The following CPQ variants were observed in gnomAD, a reference collection of about 807,000 sequenced individuals.
The protein encoded by CPQ is carboxypeptidase Q, also known as Ser-Met dipeptidase.
A neutral mutation model predicts 45.7 loss-of-function variants in CPQ; 37 were observed. That is an observed-to-expected ratio of 0.81 (90% CI 0.62 to 1.07). The LOEUF is 1.07. Ranked by LOEUF, CPQ falls within the 50% of genes least tolerant of loss-of-function variation. The pLI is 0.00. For synonymous variants in CPQ, 186 were observed against 205.8 expected, an observed-to-expected ratio of 0.90 and a Z score of 0.82; for missense variants, 537 against 572.9, an observed-to-expected ratio of 0.94 and a Z score of 0.64.
intron 2 of CPQ, among the ~76,000 whole-genome samples, chr8:96,800,976 A>ATTT (rs5893399): frequency 7.9e-5 from 11 of 139,692 alleles, no homozygotes; most frequent in South Asian, 2.3e-4. Context: ...TCTGAATTTG[A>ATTT]TTTTTTTTTT....
chr8:96,857,280 G>T (rs922540483), intron 3 of CPQ, among the ~76,000 whole-genome samples: 2 of 152,156 alleles, frequency 1.3e-5, no homozygotes, highest in African/African-American at 2.4e-5. Context: ...AGAAAGTAGT[G>T]CCCAGAGGGA....
intron 1 of CPQ, among the ~76,000 whole-genome samples, chr8:96,760,545 A>T (rs1227471965): frequency 1.3e-5 from 2 of 152,162 alleles, no homozygotes; most frequent in African/African-American, 2.4e-5. Context: ...AAGGAGCAGT[A>T]TTTCTAAAGG....
intron 5 of CPQ, among the ~76,000 whole-genome samples, chr8:97,006,527 C>T (rs1373492719): frequency 2.0e-5 from 3 of 152,114 alleles, no homozygotes; most frequent in Non-Finnish European, 4.4e-5. Context: ...AAATATTTGA[C>T]CTATATGAAA....
chr8:97,136,181 A>G lies in CPQ; in HGVS notation c.1256-6839A>G, dbSNP rs552196114. 1.5e-3 allele frequency among the ~76,000 whole-genome samples: 225 copies of G among 151,520 alleles called. 1 individual carries two copies. Among genetic ancestry groups the G allele is most frequent in the African/African-American group, 5.2e-3 (215 of 41,346 alleles). ...GTTTTCTGTGAGATGAGTGTTTACA[A>G]AAAAAAAAGATTCATAGAGAAGGAG... On this transcript the variant is annotated intron_variant, in intron 7 of 7. Coordinates refer to ENST00000220763, the MANE Select transcript of CPQ (RefSeq NM_016134.4).
chr8:96,741,533 T>C (rs200943817), intron 1 of CPQ, among the ~76,000 whole-genome samples: 47 of 151,984 alleles, frequency 3.1e-4, no homozygotes, highest in African/African-American at 1.1e-3. Flanking sequence ...AATGTGTTTG[T>C]TGTTGCTTTT....
intron 1 of CPQ, among the ~76,000 whole-genome samples, chr8:96,714,249 C>T (rs1202240175): frequency 6.6e-6 from 1 of 152,162 alleles, no homozygotes; most frequent in Non-Finnish European, 1.5e-5. Flanking sequence ...TTTTTGCTTT[C>T]TCTTCTCCCT....
chr8:96,734,852 C>G (rs929504868), intron 1 of CPQ, among the ~76,000 whole-genome samples: 5 of 152,168 alleles, frequency 3.3e-5, no homozygotes, highest in Admixed American at 2.0e-4. Flanking sequence ...TGATCTGGCT[C>G]TATTTATCTA....
chr8:96,785,221 G>A lies in CPQ; in HGVS notation c.324G>A (p.Val108=), dbSNP rs1259312394. Residue 108 remains valine (V), a synonymous_variant, in exon 2 of 8, where the codon GTG becomes GTA. Coordinates refer to ENST00000220763, the MANE Select transcript of CPQ (RefSeq NM_016134.4). ...DGLEKVHLEP[V]RIPHWERGEE... is the part of the protein sequence containing the mutation. ...TGGAGAAAGTTCACCTGGAGCCAGT[G>A]AGAATACCCCACTGGGAGAGGGGAG... 6.2e-7 allele frequency: 1 copy of A among 1,613,520 alleles called. No homozygotes were observed. The highest frequency in any genetic ancestry group is 8.5e-7 in the Non-Finnish European group (1 of 1,179,774).
intron 1 of CPQ, among the ~76,000 whole-genome samples, chr8:96,779,249 G>A (rs528290104): frequency 0.011 from 1,659 of 152,016 alleles, 41 homozygotes; most frequent in African/African-American, 0.036. Context: ...TCCTAAGACT[G>A]TCTTCAGATG....
chr8:96,648,154 C>T (rs1815538431), intron 1 of CPQ, among the ~76,000 whole-genome samples: 3 of 152,130 alleles, frequency 2.0e-5, no homozygotes, highest in African/African-American at 7.2e-5. Flanking sequence ...TCTTTTTCGT[C>T]AGCCAAGTTT....
chr8:97,036,132 A>G (rs1810000763), intron 6 of CPQ, among the ~76,000 whole-genome samples: 2 of 152,088 alleles, frequency 1.3e-5, no homozygotes, highest in South Asian at 4.2e-4. Context: ...ATTTAGAGAA[A>G]CATCTTGGCA....
At chr8:96,872,466 G>A (rs904233991) in intron 3 of CPQ, among the ~76,000 whole-genome samples, 5 of 151,756 alleles carry the variant, frequency 3.3e-5, no homozygotes, top group Admixed American at 2.0e-4. Context: ...TTATAATTTA[G>A]GTGTGTAATA....
intron 1 of CPQ, among the ~76,000 whole-genome samples, chr8:96,702,589 CTT>C (rs2130746814): frequency 6.6e-6 from 1 of 152,222 alleles, no homozygotes; most frequent in African/African-American, 2.4e-5. Flanking sequence ...TATATTAAGT[CTT>C]TTAAGCTTCA....
At chr8:96,654,080 C>A (rs989072713) in intron 1 of CPQ, among the ~76,000 whole-genome samples, 1 of 152,228 alleles carries the variant, frequency 6.6e-6, no homozygotes, top group African/African-American at 2.4e-5. Context: ...CAGAACGCTT[C>A]TGCCAGATTG....
intron 3 of CPQ, among the ~76,000 whole-genome samples, chr8:96,859,347 C>T (rs1811898274): frequency 1.3e-5 from 2 of 152,194 alleles, no homozygotes; most frequent in African/African-American, 4.8e-5. Flanking sequence ...AGCTTCTGAA[C>T]ATGACAAATA....
At chr8:96,990,879 CA>C (rs1310118028) in intron 5 of CPQ, among the ~76,000 whole-genome samples, 12 of 152,160 alleles carry the variant, frequency 7.9e-5, no homozygotes, top group Non-Finnish European at 1.8e-4. Context: ...TTATTCTAAG[CA>C]AAGGAGCTTC....
chr8:96,656,798 G>A (rs1026403117), intron 1 of CPQ, among the ~76,000 whole-genome samples: 4 of 152,252 alleles, frequency 2.6e-5, no homozygotes, highest in East Asian at 3.9e-4. Context: ...CCATTGGCTG[G>A]TATCTCTGAT....
chr8:97,081,545 G>A (rs914157962), intron 7 of CPQ, among the ~76,000 whole-genome samples: 1 of 152,128 alleles, frequency 6.6e-6, no homozygotes, highest in African/African-American at 2.4e-5. Context: ...CAGGCTGCAA[G>A]GCCACAACAG....
At chr8:97,131,843 T>A (rs985740109) in intron 7 of CPQ, among the ~76,000 whole-genome samples, 6 of 152,212 alleles carry the variant, frequency 3.9e-5, no homozygotes, top group Non-Finnish European at 8.8e-5. Context: ...CTAAGACTGA[T>A]TCCAATTCCA....
Sources: gnomAD v4.1 joint callset for allele counts (sites outside exome capture counted in the v4.1 genomes callset) on GRCh38, gnomAD v4.1.1 for gene constraint, MANE v1.5 for transcripts, NCBI Gene and HGNC (gene_info 2026-07-23, HGNC 2026-07-21) for gene names.